The following BCKDHB variants were observed in gnomAD, a reference collection of about 807,000 sequenced individuals.
BCKDHB encodes the protein 2-oxoisovalerate dehydrogenase subunit beta, mitochondrial.
BCKDHB carries 41 observed loss-of-function variants against 48.5 expected under a neutral mutation model. The ratio of observed to expected loss-of-function variants is 0.85; its 90% CI spans 0.66 to 1.10. The LOEUF is 1.10. Ranked by LOEUF, BCKDHB falls within the 50% of genes least tolerant of loss-of-function variation. The pLI is 0.00. For synonymous variants in BCKDHB, 201 were observed against 174.8 expected, an observed-to-expected ratio of 1.15 and a Z score of -1.18; for missense variants, 496 against 494.2, an observed-to-expected ratio of 1.00 and a Z score of -0.03.
the BCKDHB span, among the ~76,000 whole-genome samples, chr6:80,411,678 C>T: frequency 0.015 from 2,217 of 152,342 alleles, 52 homozygotes; most frequent in African/African-American, 0.05. Flanking sequence ...ATGGTGGACG[C>T]CCCTCCCCCC....
chr6:80,310,077 C>T (rs7756067), intron 9 of BCKDHB, among the ~76,000 whole-genome samples: 52,332 of 151,364 alleles, frequency 0.35, 9,186 homozygotes, highest in Non-Finnish European at 0.37. Flanking sequence ...ATATATACAA[C>T]ATTTTCTTTT....
the BCKDHB span, among the ~76,000 whole-genome samples, chr6:80,407,381 C>A: frequency 3.3e-5 from 5 of 151,956 alleles, no homozygotes; most frequent in Non-Finnish European, 7.4e-5. Flanking sequence ...AGTTTTTTTC[C>A]AATTCTGTGA....
At chr6:80,396,647 C>T in the BCKDHB span, among the ~76,000 whole-genome samples, 1,674 of 152,288 alleles carry the variant, frequency 0.011, 24 homozygotes, top group South Asian at 0.031. Flanking sequence ...AATTGAATCA[C>T]GGGGGCAGTT....
chr6:80,276,128 G>A (rs1269395578), intron 9 of BCKDHB, among the ~76,000 whole-genome samples: 1 of 151,764 alleles, frequency 6.6e-6, no homozygotes, highest in Non-Finnish European at 1.5e-5. Context: ...AGTTATTGTT[G>A]GTTCAACAAA....
At chr6:80,410,083 A>G in the BCKDHB span, among the ~76,000 whole-genome samples, 1 of 152,094 alleles carries the variant, frequency 6.6e-6, no homozygotes, top group African/African-American at 2.4e-5. Context: ...AGTTGCTGGT[A>G]CTGGTTTTTC....
At chr6:80,195,961 ATG>A (rs1774109722) in intron 6 of BCKDHB, among the ~76,000 whole-genome samples, 1 of 152,176 alleles carries the variant, frequency 6.6e-6, no homozygotes, top group African/African-American at 2.4e-5. Context: ...TCACTATTTC[ATG>A]TGTAATGCAA....
the BCKDHB span, among the ~76,000 whole-genome samples, chr6:80,390,088 A>C: frequency 3.9e-5 from 6 of 152,216 alleles, no homozygotes; most frequent in Admixed American, 6.5e-5. Flanking sequence ...ACAGACTAAC[A>C]AAGGAGTTAC....
downstream of BCKDHB, among the ~76,000 whole-genome samples, chr6:80,347,017 A>G (rs1310031552): frequency 2.1e-4 from 32 of 152,082 alleles, no homozygotes. Flanking sequence ...AAAAAAAAGA[A>G]CACTTTTCTA....
chr6:80,129,207 T>C lies in BCKDHB; in HGVS notation c.321T>C (p.Thr107=). Reference sequence around the variant, plus strand: ...CCTTTGGTGGAGTCTTTAGATGCACTGTTGGCTTGCGAGACAAATATGGTA... The same window carrying C: ...CCTTTGGTGGAGTCTTTAGATGCACCGTTGGCTTGCGAGACAAATATGGTA... ...DVAFGGVFRC[T]VGLRDKYGKD... is the part of the protein sequence containing the mutation. Residue 107 remains threonine, a synonymous_variant, in exon 3 of 10, where the codon ACT becomes ACC. Transcript: ENST00000320393. The C allele has an allele frequency of 6.2e-7, 1 of 1,611,652 alleles. No individual in the cohort carries two copies. Among genetic ancestry groups the C allele is most frequent in the African/African-American group, 1.3e-5 (1 of 74,978 alleles).
intron 9 of BCKDHB, among the ~76,000 whole-genome samples, chr6:80,281,681 A>G (rs1778200356): frequency 1.3e-5 from 2 of 152,274 alleles, no homozygotes; most frequent in African/African-American, 4.8e-5. Context: ...ATAGAATGCC[A>G]TTTATTTCCT....
At chr6:80,415,482 G>A in the BCKDHB span, among the ~76,000 whole-genome samples, 3 of 152,178 alleles carry the variant, frequency 2.0e-5, no homozygotes, top group Admixed American at 1.3e-4. Context: ...TAACATGAAG[G>A]GGTGTTGAAT....
chr6:80,450,572 CAG>C, the BCKDHB span, among the ~76,000 whole-genome samples: 1 of 152,162 alleles, frequency 6.6e-6, no homozygotes, highest in African/African-American at 2.4e-5. Context: ...CTAGAAATCT[CAG>C]AGGCACTCCC....
intron 8 of BCKDHB, among the ~76,000 whole-genome samples, chr6:80,243,148 CAAAGTA>C (rs551419448): frequency 1.8e-4 from 28 of 152,162 alleles, no homozygotes; most frequent in Admixed American, 1.6e-3. Flanking sequence ...TACAGAGAGA[CAAAGTA>C]AAAGGGAGTA....
the BCKDHB span, among the ~76,000 whole-genome samples, chr6:80,395,142 A>G: frequency 3.9e-5 from 6 of 152,170 alleles, no homozygotes; most frequent in African/African-American, 1.4e-4. Context: ...GTAAATTGGC[A>G]CCAGGTGTGG....
At chr6:80,293,080 G>A (rs1278303050) in intron 9 of BCKDHB, among the ~76,000 whole-genome samples, 1 of 152,172 alleles carries the variant, frequency 6.6e-6, no homozygotes, top group Non-Finnish European at 1.5e-5. Context: ...CAGGTGCACA[G>A]TGGAAGCTGT....
At chr6:80,249,912 G>A (rs903808140) in intron 8 of BCKDHB, among the ~76,000 whole-genome samples, 1 of 152,136 alleles carries the variant, frequency 6.6e-6, no homozygotes, top group Non-Finnish European at 1.5e-5. Flanking sequence ...ATTGTTGTAA[G>A]CACCTGCCTG....
chr6:80,133,187 T>G (rs1489336941), intron 3 of BCKDHB, among the ~76,000 whole-genome samples: 1 of 152,242 alleles, frequency 6.6e-6, no homozygotes, highest in Non-Finnish European at 1.5e-5. Context: ...TGCCAGCACT[T>G]GAACTGCTGC....
At chr6:80,210,741 C>T (rs747709437) in intron 8 of BCKDHB, among the ~76,000 whole-genome samples, 1 of 152,108 alleles carries the variant, frequency 6.6e-6, no homozygotes, top group Non-Finnish European at 1.5e-5. Flanking sequence ...CCACACCCTT[C>T]GTTCAGTTTC....
At chr6:80,233,251 A>G (rs1776009638) in intron 8 of BCKDHB, among the ~76,000 whole-genome samples, 1 of 152,170 alleles carries the variant, frequency 6.6e-6, no homozygotes, top group Non-Finnish European at 1.5e-5. Context: ...TTTATATTCA[A>G]AGGTTTGGAT....
Sources: allele counts gnomAD v4.1 joint callset (sites outside exome capture counted in the v4.1 genomes callset), GRCh38; gene constraint gnomAD v4.1.1; transcripts MANE v1.5; gene names NCBI Gene and HGNC (gene_info 2026-07-23, HGNC 2026-07-21).